Variants in PLCB4 observed in about 807,000 individuals in gnomAD.
The protein encoded by PLCB4 is 1-phosphatidylinositol 4,5-bisphosphate phosphodiesterase beta-4.
In PLCB4, 77 loss-of-function variants were observed where a neutral mutation model predicts 178.8. The ratio of observed to expected loss-of-function variants is 0.43; its 90% CI spans 0.36 to 0.52. The LOEUF is 0.52. Among genes scored for constraint, PLCB4 ranks in the 20% least tolerant of loss-of-function variants. The probability of loss-of-function intolerance (pLI) is 0.00; values close to 1 mark genes in which losing one functional copy is unlikely to be tolerated. For synonymous variants in PLCB4, 496 were observed against 490.8 expected (o/e 1.01, Z -0.14); for missense variants, 1,024 against 1,453.4 (o/e 0.70, Z 4.80).
intron 25 of PLCB4, among the ~76,000 whole-genome samples, chr20:9,418,849 T>A (rs2040432710): frequency 6.6e-6 from 1 of 152,122 alleles, no homozygotes; most frequent in East Asian, 1.9e-4. Flanking sequence ...TTTTAAACAG[T>A]GTTTTGTAGT....
At chr20:9,414,544 C>T (rs934533633) in intron 25 of PLCB4, among the ~76,000 whole-genome samples, 2 of 152,202 alleles carry the variant, frequency 1.3e-5, no homozygotes, top group Non-Finnish European at 2.9e-5. Flanking sequence ...CCCTTTAGGC[C>T]TGTGGAGGCA....
chr20:9,368,755 G>T (rs936805101), intron 9 of PLCB4, among the ~76,000 whole-genome samples: 2 of 152,262 alleles, frequency 1.3e-5, no homozygotes, highest in African/African-American at 4.8e-5. Context: ...TTCTAGGATC[G>T]TTGCTGTTTT....
At chr20:9,425,740 C>G (rs1347283025) in intron 28 of PLCB4, among the ~76,000 whole-genome samples, 1 of 152,192 alleles carries the variant, frequency 6.6e-6, no homozygotes, top group Non-Finnish European at 1.5e-5. Context: ...GCAGTCGATG[C>G]CTTAACCAGA....
At chr20:9,164,367 T>C (rs1029609987) in intron 2 of PLCB4, among the ~76,000 whole-genome samples, 4 of 152,300 alleles carry the variant, frequency 2.6e-5, no homozygotes, top group East Asian at 3.9e-4. Flanking sequence ...AGTGATTTTA[T>C]TGCTGTTTTA....
chr20:9,207,559 G>C (rs2093627976), intron 2 of PLCB4, among the ~76,000 whole-genome samples: 1 of 152,358 alleles, frequency 6.6e-6, no homozygotes, highest in South Asian at 2.1e-4. Flanking sequence ...CTCAGGGTCT[G>C]TGCTGCCTGT....
Position 9,337,115 on chromosome 20 carries a change from C to G in PLCB4, c.85-11C>G. On this transcript the variant is annotated splice_polypyrimidine_tract_variant and intron_variant, in intron 4 of 39. Transcript: ENST00000378473. ...GTGAGTCATGAAGATCAACACATTT[C>G]TTTTTGACAGGAATCCTTTGTGTTT... The G allele has an allele frequency of 6.3e-7, 1 of 1,594,608 alleles. No individual in the cohort carries two copies. Among genetic ancestry groups the G allele is most frequent in the East Asian group, 2.2e-5 (1 of 44,762 alleles).
intron 7 of PLCB4, among the ~76,000 whole-genome samples, chr20:9,358,217 G>A (rs2035009075): frequency 2.0e-5 from 3 of 152,222 alleles, no homozygotes; most frequent in Admixed American, 2.0e-4. Flanking sequence ...ATTTTAACAA[G>A]TTCCCAGGTG....
chr20:9,405,415 G>A, intron 21 of PLCB4, 67 bp downstream of exon 21: 3 of 914,404 alleles, frequency 3.3e-6, no homozygotes, highest in East Asian at 2.8e-5. Context: ...TTCAAAGGAA[G>A]GAATCAGTTG....
chr20:9,138,829 G>A lies in PLCB4; in HGVS notation c.-79+42487G>A, dbSNP rs1269324994. On this transcript the variant is annotated intron_variant, in intron 2 of 39. Coordinates refer to ENST00000378473, the MANE Select transcript of PLCB4 (RefSeq NM_001377142.1). ...TAAGGTGGGCTAATTGATGAAGACTGTCTTATCATTACAACAGTTATAGAT... is the reference window on the plus strand; with the variant it reads ...TAAGGTGGGCTAATTGATGAAGACTATCTTATCATTACAACAGTTATAGAT... Among the ~76,000 whole-genome samples the A allele has an allele frequency of 3.9e-5, 6 of 152,068 alleles. 1 individual carries two copies.
chr20:9,238,628 G>C (rs1209794848), intron 3 of PLCB4, among the ~76,000 whole-genome samples: 1 of 152,210 alleles, frequency 6.6e-6, no homozygotes, highest in East Asian at 1.9e-4. Context: ...GAGCATAAAA[G>C]GAAAGTGGGC....
chr20:9,479,724 T>C lies in PLCB4; in HGVS notation c.*715T>C, dbSNP rs2044773126. 4 of 152,678 alleles carry C rather than the reference T, an allele frequency of 2.6e-5. No homozygotes were observed. The South Asian group carries it at 8.3e-4, about 32-fold the overall frequency. 9.5% of individuals were successfully genotyped at this position (152,678 alleles called of 1,614,324 possible). ...ATTCCGGATATTATAATTCACACCATAAAGATTGTGAAGTGGTTATTGGCA... is the reference window on the plus strand; with the variant it reads ...ATTCCGGATATTATAATTCACACCACAAAGATTGTGAAGTGGTTATTGGCA... On this transcript the variant is annotated 3_prime_UTR_variant, in exon 40 of 40. Coordinates refer to ENST00000378473, the MANE Select transcript of PLCB4 (RefSeq NM_001377142.1).
intron 2 of PLCB4, among the ~76,000 whole-genome samples, chr20:9,139,493 A>G (rs2146860389): frequency 6.6e-6 from 1 of 152,170 alleles, no homozygotes; most frequent in South Asian, 2.1e-4. Flanking sequence ...GTTTCTTTCC[A>G]TGTGGCTTGG....
intron 21 of PLCB4, among the ~76,000 whole-genome samples, chr20:9,406,893 G>A (rs528462445): frequency 4.2e-4 from 64 of 152,270 alleles, no homozygotes; most frequent in African/African-American, 1.5e-3. Flanking sequence ...AAAGTTCTCA[G>A]CAAAAATATT....
intron 2 of PLCB4, among the ~76,000 whole-genome samples, chr20:9,193,899 T>A (rs1354645927): frequency 6.6e-6 from 1 of 152,188 alleles, no homozygotes; most frequent in African/African-American, 2.4e-5. Context: ...GTTTTCTCAG[T>A]GTTAGACCAT....
At chr20:9,270,637 C>T (rs1221399961) in intron 3 of PLCB4, among the ~76,000 whole-genome samples, 28 of 151,990 alleles carry the variant, frequency 1.8e-4, no homozygotes, top group Non-Finnish European at 1.5e-5. Context: ...ATATTATGAA[C>T]CCTACTTGCA....
chr20:9,090,388 G>C (rs978052882), intron 1 of PLCB4, among the ~76,000 whole-genome samples: 28 of 151,892 alleles, frequency 1.8e-4, no homozygotes, highest in Admixed American at 4.6e-4. Context: ...AAATGTATGT[G>C]TATGGGAAAT....
At chr20:9,183,324 A>G (rs2147100372) in intron 2 of PLCB4, among the ~76,000 whole-genome samples, 1 of 152,188 alleles carries the variant, frequency 6.6e-6, no homozygotes, top group South Asian at 2.1e-4. Context: ...TCCCTCCCTC[A>G]GTTAGTTCTG....
At chr20:9,199,504 C>T (rs2093515822) in intron 2 of PLCB4, among the ~76,000 whole-genome samples, 1 of 152,302 alleles carries the variant, frequency 6.6e-6, no homozygotes, top group East Asian at 1.9e-4. Flanking sequence ...ACCCTGTTAG[C>T]CTAGCACTGA....
At chr20:9,441,815 A>G (rs2042122177) in intron 30 of PLCB4, among the ~76,000 whole-genome samples, 1 of 152,042 alleles carries the variant, frequency 6.6e-6, no homozygotes, top group Non-Finnish European at 1.5e-5. Context: ...AGCAGACGGC[A>G]TTTGCTGCAG....
Sources: gnomAD v4.1 joint callset for allele counts (sites outside exome capture counted in the v4.1 genomes callset) on GRCh38, gnomAD v4.1.1 for gene constraint, MANE v1.5 for transcripts, NCBI Gene and HGNC (gene_info 2026-07-23, HGNC 2026-07-21) for gene names.